ZDHHC3: variants seen among roughly 807,000 people sequenced by gnomAD.
ZDHHC3 encodes the protein zDHHC palmitoyltransferase 3.
A neutral mutation model predicts 30.6 loss-of-function variants in ZDHHC3; 9 were observed. The ratio of observed to expected loss-of-function variants is 0.29; its 90% CI spans 0.18 to 0.51. The LOEUF (loss-of-function observed/expected upper bound fraction) is 0.51. ZDHHC3 is among the 20% of genes least tolerant of loss of function. The pLI is 0.97. For synonymous variants in ZDHHC3, 136 were observed against 140.2 expected (o/e 0.97, Z 0.21); for missense variants, 246 against 384.2 (o/e 0.64, Z 3.01).
intron 2 of ZDHHC3, among the ~76,000 whole-genome samples, chr3:44,957,677 C>T (rs966839995): frequency 6.6e-6 from 1 of 152,202 alleles, no homozygotes; most frequent in African/African-American, 2.4e-5. Context: ...GTCCACTGCT[C>T]GGAGAAGAGC....
At chr3:44,968,529 T>C (rs576817536) in intron 1 of ZDHHC3, among the ~76,000 whole-genome samples, 1 of 152,264 alleles carries the variant, frequency 6.6e-6, no homozygotes, top group African/African-American at 2.4e-5. Flanking sequence ...ACCTCATCTC[T>C]ACAAAAATCT....
chr3:44,942,080 C>T (rs1702488147), intron 3 of ZDHHC3, among the ~76,000 whole-genome samples: 2 of 152,242 alleles, frequency 1.3e-5, no homozygotes, highest in African/African-American at 4.8e-5. Context: ...CACCTACAGG[C>T]CCAAGGTCTA....
In ZDHHC3 at chr3:44,916,655, T is replaced by C. The variant is rs1700190260; in HGVS notation, c.*10034A>G. The C allele has an allele frequency of 6.6e-6, 1 of 152,176 alleles. No individual in the cohort carries two copies. The highest frequency in any genetic ancestry group is 2.4e-5 in the African/African-American group (1 of 41,442). 9.4% of individuals were successfully genotyped at this position (152,176 alleles called of 1,614,324 possible). On this transcript the variant is annotated 3_prime_UTR_variant, in exon 7 of 7. Coordinates refer to ENST00000424952, the MANE Select transcript of ZDHHC3 (RefSeq NM_001135179.2). ...GGGAGTGGGTGGTGAATCCACTTCT[T>C]ATACCAAACGGGGATAAGAACCCTT...
chr3:44,950,877 T>C (rs1295901098), intron 2 of ZDHHC3, among the ~76,000 whole-genome samples: 4 of 152,228 alleles, frequency 2.6e-5, no homozygotes, highest in African/African-American at 9.7e-5. Context: ...CTTGCATTAC[T>C]GAGAAATGCC....
Position 44,917,531 on chromosome 3 carries a change from C to T in ZDHHC3, c.*9158G>A. On this transcript the variant is annotated 3_prime_UTR_variant, in exon 7 of 7. Coordinates refer to ENST00000424952, the MANE Select transcript of ZDHHC3 (RefSeq NM_001135179.2). ...GAGAAGACAGAAATCCTGGGGAAAG[C>T]CAAAGGCAAGCTCTTTTCTGCCCCT... 1 of 214,946 alleles carries T rather than the reference C, an allele frequency of 4.7e-6. No homozygotes were observed. The highest frequency in any genetic ancestry group is 7.2e-5 in the South Asian group (1 of 13,852). The allele number at this position is 214,946 out of a possible 1,614,324, so 13.3% of individuals were successfully genotyped here. A position where few individuals can be genotyped will look rare whatever the true frequency, so the allele number is the denominator to read the frequency against.
chr3:44,968,953 G>C (rs1374647985), intron 1 of ZDHHC3, among the ~76,000 whole-genome samples: 1 of 152,144 alleles, frequency 6.6e-6, no homozygotes, highest in African/African-American at 2.4e-5. Context: ...TGGCTAACTT[G>C]TTTTCTAGGT....
At chr3:44,939,353 C>T (rs1318884468) in intron 3 of ZDHHC3, among the ~76,000 whole-genome samples, 4 of 152,238 alleles carry the variant, frequency 2.6e-5, no homozygotes, top group Admixed American at 6.5e-5. Flanking sequence ...GTTCCCAATA[C>T]ACAATTTTAA....
rs557198932 is a variant in ZDHHC3 at position 44,923,425 on chromosome 3, C to T, written c.*3264G>A. 3.5e-4 allele frequency: 346 copies of T among 985,304 alleles called. No individual in the cohort carries two copies. The highest frequency in any genetic ancestry group is 1.9e-3 in the South Asian group (41 of 21,278). The allele number at this position is 985,304 out of a possible 1,614,324, so 61.0% of individuals were successfully genotyped here. The stretch of plus-strand genomic sequence containing the variant: ...TGTTTGTTAATTTACCTCACCTAAA[C>T]GGTTTCTGCATTAGGGGACGGTGGA... On this transcript the variant is annotated 3_prime_UTR_variant, in exon 7 of 7. Coordinates refer to ENST00000424952, the MANE Select transcript of ZDHHC3 (RefSeq NM_001135179.2).
At chr3:44,929,730 T>C (rs1701324568) in intron 5 of ZDHHC3, among the ~76,000 whole-genome samples, 1 of 152,124 alleles carries the variant, frequency 6.6e-6, no homozygotes, top group African/African-American at 2.4e-5. Flanking sequence ...GCCTGACACA[T>C]GGAAGGGCCC....
At position 44,918,008 on chromosome 3, in the gene ZDHHC3, G is replaced by C; in HGVS notation, c.*8681C>G. ...TGCCGCACCATGTCTTTGTCACTGG[G>C]GATCTCTGGCTGACACGGTCTGGAG... On this transcript the variant is annotated 3_prime_UTR_variant, in exon 7 of 7. Coordinates refer to ENST00000424952, the MANE Select transcript of ZDHHC3 (RefSeq NM_001135179.2). 1 of 1,305,428 alleles carries C rather than the reference G, an allele frequency of 7.7e-7. No individual in the cohort carries two copies. Among genetic ancestry groups the C allele is most frequent in the Non-Finnish European group, 1.0e-6 (1 of 988,970 alleles). 80.9% of individuals were successfully genotyped at this position (1,305,428 alleles called of 1,614,324 possible).
chr3:44,918,940 GGCACT>G lies in ZDHHC3; in HGVS notation c.*7744_*7748del, dbSNP rs1700402596. ...CAGAGGCCTTTGACCCTCCACTGGG[GGCACT>G]GCTTTCTCCATCTCTTCTGGAAGCC... On this transcript the variant is annotated 3_prime_UTR_variant, in exon 7 of 7. Coordinates refer to ENST00000424952, the MANE Select transcript of ZDHHC3 (RefSeq NM_001135179.2). 7.1e-6 allele frequency: 7 copies of G among 985,598 alleles called. No homozygotes were observed. The highest frequency in any genetic ancestry group is 5.2e-4 in the Middle Eastern group (1 of 1,914). 61.1% of individuals were successfully genotyped at this position (985,598 alleles called of 1,614,324 possible).
At position 44,954,315 on chromosome 3, in the gene ZDHHC3, C is replaced by A. The variant is rs116452393; in HGVS notation, c.306+4816G>T. Among the ~76,000 whole-genome samples the A allele has an allele frequency of 9.7e-3, 1,484 of 152,244 alleles. 22 individuals are homozygous for A. Among genetic ancestry groups the A allele is most frequent in the African/African-American group, 0.033 (1,358 of 41,524 alleles). ...CATGATGTTTCAGTCAATGACAAGT[C>A]CCTCAAGATTATAATACTATGTTTT... On this transcript the variant is annotated intron_variant, in intron 2 of 6. Coordinates refer to ENST00000424952, the MANE Select transcript of ZDHHC3 (RefSeq NM_001135179.2).
chr3:44,953,924 C>A (rs1559702141), intron 2 of ZDHHC3, among the ~76,000 whole-genome samples: 1 of 152,216 alleles, frequency 6.6e-6, no homozygotes, highest in Non-Finnish European at 1.5e-5. Context: ...CAGCACCTGG[C>A]CTGCTGTTCC....
intron 3 of ZDHHC3, 63 bp downstream of exon 3, chr3:44,945,105 T>TG (rs1702798685): frequency 6.2e-7 from 1 of 1,607,920 alleles, no homozygotes; most frequent in South Asian, 1.1e-5. Flanking sequence ...AGGCAGGTGT[T>TG]GGCGGGGATG....
intron 2 of ZDHHC3, among the ~76,000 whole-genome samples, chr3:44,954,767 C>T (rs1703779607): frequency 6.6e-6 from 1 of 152,120 alleles, no homozygotes; most frequent in Non-Finnish European, 1.5e-5. Flanking sequence ...AAACAATCTA[C>T]ATCTGTCACG....
At chr3:44,956,085 T>A (rs1373493427) in intron 2 of ZDHHC3, among the ~76,000 whole-genome samples, 1 of 152,198 alleles carries the variant, frequency 6.6e-6, no homozygotes. Flanking sequence ...CTGTTCTGCA[T>A]CCACTGCAAG....
intron 6 of ZDHHC3, among the ~76,000 whole-genome samples, chr3:44,927,126 C>T (rs1701058077): frequency 6.6e-6 from 1 of 152,180 alleles, no homozygotes; most frequent in African/African-American, 2.4e-5. Flanking sequence ...CGGGGTGTGT[C>T]GCTAAGATAA....
chr3:44,937,278 C>T (rs1054938745), intron 3 of ZDHHC3, among the ~76,000 whole-genome samples: 1 of 151,774 alleles, frequency 6.6e-6, no homozygotes. Flanking sequence ...ACCCTGTCTC[C>T]AACAAAAATA....
At chr3:44,929,583 G>T in intron 5 of ZDHHC3, 147 bp from the exon 6 acceptor site, 1 of 1,113,422 alleles carries the variant, frequency 9.0e-7, no homozygotes, top group Non-Finnish European at 1.3e-6. Flanking sequence ...CCAGGCTACG[G>T]TGAGAATCAT....
Sources: allele counts gnomAD v4.1 joint callset (sites outside exome capture counted in the v4.1 genomes callset), GRCh38; gene constraint gnomAD v4.1.1; transcripts MANE v1.5; gene names NCBI Gene and HGNC (gene_info 2026-07-23, HGNC 2026-07-21).